The following DNAJC5B variants were observed in gnomAD, a reference collection of about 807,000 sequenced individuals.
DNAJC5B encodes the protein DnaJ heat shock protein family (Hsp40) member C5 beta, also known as dnaJ homolog subfamily C member 5B.
A neutral mutation model predicts 24.7 loss-of-function variants in DNAJC5B; 23 were observed. That is an observed-to-expected ratio of 0.93 (90% CI 0.67 to 1.32). DNAJC5B has a LOEUF of 1.32. Ranked by LOEUF, DNAJC5B falls within the 40% of genes most tolerant of loss-of-function variation. The pLI is 0.00. For missense variants in DNAJC5B, 238 were observed against 240.8 expected (o/e 0.99, Z 0.08); for synonymous variants, 101 against 90.1 (o/e 1.12, Z -0.68).
At chr8:66,070,565 G>T (rs1807323628) in intron 3 of DNAJC5B, among the ~76,000 whole-genome samples, 1 of 151,920 alleles carries the variant, frequency 6.6e-6, no homozygotes, top group African/African-American at 2.4e-5. Flanking sequence ...GGACACAAAT[G>T]GAAAAACATT....
intron 3 of DNAJC5B, among the ~76,000 whole-genome samples, chr8:66,064,204 T>A (rs1049284977): frequency 3.3e-5 from 5 of 152,132 alleles, no homozygotes; most frequent in African/African-American, 1.2e-4. Context: ...TTAGGAAGAA[T>A]AAGAAAGTGA....
At chr8:66,062,176 G>C (rs1807098106) in intron 3 of DNAJC5B, among the ~76,000 whole-genome samples, 1 of 152,234 alleles carries the variant, frequency 6.6e-6, no homozygotes, top group South Asian at 2.1e-4. Context: ...AAAAGAATTA[G>C]AAAATAGAAA....
Position 66,084,964 on chromosome 8 carries a change from C to T in DNAJC5B, c.505+4416C>T, listed in dbSNP as rs115629772. Among the ~76,000 whole-genome samples the T allele has an allele frequency of 7.8e-3, 1,182 of 151,960 alleles. 16 individuals are homozygous for T. Among genetic ancestry groups the T allele is most frequent in the African/African-American group, 0.027 (1,102 of 41,476 alleles). On this transcript the variant is annotated intron_variant, in intron 5 of 5. Coordinates refer to ENST00000276570, the MANE Select transcript of DNAJC5B (RefSeq NM_033105.6). ...TTATGTTTAACATTTAGATTTATGA[C>T]GCATTTTGAGTTAACTTTCATATAA...
intron 5 of DNAJC5B, among the ~76,000 whole-genome samples, chr8:66,088,560 A>G (rs1230659781): frequency 6.6e-6 from 1 of 152,182 alleles, no homozygotes; most frequent in Non-Finnish European, 1.5e-5. Context: ...TGCCTTTTAA[A>G]CATAAATTCC....
intron 5 of DNAJC5B, among the ~76,000 whole-genome samples, chr8:66,083,977 A>G (rs536893568): frequency 2.6e-5 from 4 of 152,326 alleles, no homozygotes; most frequent in Admixed American, 6.5e-5. Context: ...TTAGGGCCCC[A>G]ACAGGCCCTT....
intron 3 of DNAJC5B, among the ~76,000 whole-genome samples, chr8:66,070,991 C>T (rs7813201): frequency 0.13 from 19,308 of 152,070 alleles, 2,489 homozygotes; most frequent in African/African-American, 0.33. Flanking sequence ...GGAAAACTGG[C>T]TAACCATATG....
At chr8:66,057,245 A>C (rs972031358) in intron 3 of DNAJC5B, 13 of 152,330 alleles carry the variant, frequency 8.5e-5, no homozygotes, top group Admixed American at 5.2e-4. Flanking sequence ...AAGAAATAGG[A>C]ATTAACAAAA....
intron 2 of DNAJC5B, among the ~76,000 whole-genome samples, chr8:66,047,917 C>G (rs995467073): frequency 6.6e-6 from 1 of 152,146 alleles, no homozygotes; most frequent in Non-Finnish European, 1.5e-5. Context: ...CTAGACCTCA[C>G]CTGTACAAAT....
intron 5 of DNAJC5B, among the ~76,000 whole-genome samples, chr8:66,085,331 T>G (rs1198715045): frequency 6.6e-6 from 1 of 152,136 alleles, no homozygotes; most frequent in Non-Finnish European, 1.5e-5. Flanking sequence ...TCCCAGCGAC[T>G]CAGGAGGCTG....
intron 4 of DNAJC5B, 100 bp downstream of exon 4, chr8:66,076,973 A>G: frequency 8.2e-7 from 1 of 1,222,370 alleles, no homozygotes; most frequent in Admixed American, 2.1e-5. Context: ...TCCTGCTATT[A>G]AACTCTGGTA....
intron 1 of DNAJC5B, among the ~76,000 whole-genome samples, chr8:66,028,244 C>G (rs1183505084): frequency 6.6e-6 from 1 of 152,188 alleles, no homozygotes; most frequent in African/African-American, 2.4e-5. Context: ...CCCGGCACAA[C>G]CGCTCTTCTC....
chr8:66,066,354 T>G (rs1807193029), intron 3 of DNAJC5B, among the ~76,000 whole-genome samples: 1 of 152,194 alleles, frequency 6.6e-6, no homozygotes, highest in African/African-American at 2.4e-5. Flanking sequence ...AGACCTACCA[T>G]TTGATCCAGC....
chr8:66,066,236 T>C (rs1416256418), intron 3 of DNAJC5B, among the ~76,000 whole-genome samples: 1 of 152,120 alleles, frequency 6.6e-6, no homozygotes, highest in African/African-American at 2.4e-5. Context: ...ACAATAGATG[T>C]TGGCACAGGT....
At chr8:66,099,036 T>TCACACACACA (rs34531773) in intron 5 of DNAJC5B, among the ~76,000 whole-genome samples, 2,080 of 146,210 alleles carry the variant, frequency 0.014, 55 homozygotes, top group African/African-American at 0.05. Context: ...TCTCTCTCTG[T>TCACACACACA]CACACACACA....
At chr8:66,078,929 G>C (rs1443235199) in intron 4 of DNAJC5B, among the ~76,000 whole-genome samples, 2 of 152,128 alleles carry the variant, frequency 1.3e-5, no homozygotes, top group East Asian at 1.9e-4. Context: ...AAATACACAG[G>C]CACACAAGTC....
In DNAJC5B at chr8:66,077,715, T is replaced by A. The variant is rs532662673; in HGVS notation, c.333+842T>A. ...GGCAGGTTTACTAGTAGTATCTGTT[T>A]GCTATTTTCTTCCACTAAATCTTGC... On this transcript the variant is annotated intron_variant, in intron 4 of 5. Transcript: ENST00000276570. Among the ~76,000 whole-genome samples the A allele has an allele frequency of 6.6e-5, 10 of 152,342 alleles. No homozygotes were observed. The South Asian group carries it at 2.1e-3, about 32-fold the overall frequency.
intron 2 of DNAJC5B, 143 bp downstream of exon 2, chr8:66,043,754 A>G (rs1003489007): frequency 1.3e-4 from 19 of 151,920 alleles, no homozygotes; most frequent in African/African-American, 4.1e-4. Flanking sequence ...GTGGTTTACT[A>G]GTAACATTCT....
At chr8:66,055,198 T>C (rs1806936851) in intron 3 of DNAJC5B, among the ~76,000 whole-genome samples, 1 of 152,162 alleles carries the variant, frequency 6.6e-6, no homozygotes, top group Non-Finnish European at 1.5e-5. Flanking sequence ...TATTATTTTT[T>C]CAGGTGATTA....
At chr8:66,056,724 A>G (rs1806970128) in intron 3 of DNAJC5B, 1 of 152,304 alleles carries the variant, frequency 6.6e-6, no homozygotes, top group African/African-American at 2.4e-5. Context: ...ATATCCAGAT[A>G]CAAACAAAAT....
Sources: gnomAD v4.1 joint callset for allele counts (sites outside exome capture counted in the v4.1 genomes callset) on GRCh38, gnomAD v4.1.1 for gene constraint, MANE v1.5 for transcripts, NCBI Gene and HGNC (gene_info 2026-07-23, HGNC 2026-07-21) for gene names.